HFM1: variants seen among roughly 807,000 people sequenced by gnomAD.
HFM1 encodes helicase for meiosis 1.
A neutral mutation model predicts 192.1 loss-of-function variants in HFM1; 169 were observed. The observed-to-expected ratio is 0.88, with a 90% confidence interval of 0.78 to 1.00. The LOEUF is 1.00. Among genes scored for constraint, HFM1 ranks in the 50% least tolerant of loss-of-function variants. The pLI, the probability that HFM1 is intolerant of heterozygous loss-of-function variation, is 0.00. For synonymous variants in HFM1, 525 were observed against 537.8 expected (o/e 0.98, Z 0.33); for missense variants, 1,661 against 1,668.0 (o/e 1.00, Z 0.07).
intron 15 of HFM1, 50 bp downstream of exon 15, chr1:91,353,001 T>C (rs1333495358): frequency 2.5e-6 from 3 of 1,205,206 alleles, no homozygotes; most frequent in African/African-American, 3.1e-5. Flanking sequence ...CTCTTAAAAA[T>C]AATTTTCCAA....
intron 20 of HFM1, among the ~76,000 whole-genome samples, chr1:91,333,932 T>A (rs1044509117): frequency 6.6e-6 from 1 of 152,146 alleles, no homozygotes; most frequent in African/African-American, 2.4e-5. Context: ...ATGTTAGTAT[T>A]TACATACAAA....
chr1:91,281,190 A>C (rs1277410671), intron 30 of HFM1, among the ~76,000 whole-genome samples: 1 of 152,252 alleles, frequency 6.6e-6, no homozygotes, highest in Non-Finnish European at 1.5e-5. Context: ...TGGTGGTAGT[A>C]GAGTTACAGA....
chr1:91,319,058 T>G lies in HFM1; in HGVS notation c.2812+20A>C. On this transcript the variant is annotated intron_variant, in intron 25 of 38. Coordinates refer to ENST00000370425, the MANE Select transcript of HFM1 (RefSeq NM_001017975.6). ...AAATTGCAGACATGGCCAAACTGCC[T>G]GCCTGTATTCAGTACCTACCAATTT... 1 of 1,566,144 alleles carries G rather than the reference T, an allele frequency of 6.4e-7. No individual in the cohort carries two copies. Among genetic ancestry groups the G allele is most frequent in the African/African-American group, 1.4e-5 (1 of 72,306 alleles).
At chr1:91,389,232 G>C (rs282021) in intron 4 of HFM1, among the ~76,000 whole-genome samples, 1 of 149,544 alleles carries the variant, frequency 6.7e-6, no homozygotes, top group African/African-American at 2.5e-5. Context: ...TGTGATCTCG[G>C]CTCACTGCAA....
chr1:91,397,692 C>T (rs1020463219), intron 2 of HFM1, among the ~76,000 whole-genome samples: 2 of 152,170 alleles, frequency 1.3e-5, no homozygotes, highest in African/African-American at 4.8e-5. Context: ...TCCCCAAGAT[C>T]ACCCCCAGTT....
At chr1:91,328,603 A>C in intron 20 of HFM1, 1 of 1,604,146 alleles carries the variant, frequency 6.2e-7, no homozygotes, top group Admixed American at 1.7e-5. Flanking sequence ...TATTCGCGTG[A>C]TGGAGAACGG....
chr1:91,291,134 T>C (rs1275029521), intron 30 of HFM1, among the ~76,000 whole-genome samples: 9 of 151,904 alleles, frequency 5.9e-5, no homozygotes, highest in South Asian at 4.2e-4. Flanking sequence ...ACATCACAAT[T>C]AAAAGAACTA....
rs754530343 is a variant in HFM1, at chr1:91,273,697, T to A, written c.3772+15A>T. ...AGCCATTTACTCTCTCAAGTAAGTA[T>A]CAATGGTAATTTACCTTTGTCTTGA... On this transcript the variant is annotated intron_variant, in intron 34 of 38. Transcript: ENST00000370425. 12 of 1,274,772 alleles carry A rather than the reference T, an allele frequency of 9.4e-6. No individual in the cohort carries two copies. In the South Asian group the frequency reaches 1.5e-4, roughly 16 times the overall value. The allele number at this position is 1,274,772 out of a possible 1,614,324, so 79.0% of individuals were successfully genotyped here.
intron 34 of HFM1, among the ~76,000 whole-genome samples, chr1:91,272,847 A>G (rs1024037359): frequency 6.6e-6 from 1 of 152,060 alleles, no homozygotes; most frequent in Admixed American, 6.6e-5. Flanking sequence ...GAGGAAAAAA[A>G]AGTTACAACA....
intron 20 of HFM1, among the ~76,000 whole-genome samples, chr1:91,339,959 A>G (rs2101616547): frequency 6.6e-6 from 1 of 152,302 alleles, no homozygotes; most frequent in South Asian, 2.1e-4. Context: ...CAGATCTTTC[A>G]GCAGCTCTTT....
Position 91,276,767 on chromosome 1 carries a change from T to C in HFM1, c.3473-24A>G, listed in dbSNP as rs199500184. 402 of 1,156,094 alleles carry C rather than the reference T, an allele frequency of 3.5e-4. 4 individuals are homozygous for C. The Middle Eastern group carries it at 5.0e-3, about 14-fold the overall frequency. 71.6% of individuals were successfully genotyped at this position (1,156,094 alleles called of 1,614,324 possible). ...ACCTATGAAAAGAAACTTCAGATTC[T>C]TTAGGTTAAACTTCAGATCTTATTC... On this transcript the variant is annotated intron_variant, in intron 31 of 38. Transcript: ENST00000370425.
At chr1:91,361,302 C>T (rs565824767) in intron 13 of HFM1, among the ~76,000 whole-genome samples, 2 of 151,238 alleles carry the variant, frequency 1.3e-5, no homozygotes, top group Non-Finnish European at 2.9e-5. Context: ...ATATAGACTG[C>T]TAGCTAGACT....
intron 13 of HFM1, among the ~76,000 whole-genome samples, chr1:91,365,899 A>C (rs563251177): frequency 6.6e-6 from 1 of 151,948 alleles, no homozygotes; most frequent in Non-Finnish European, 1.5e-5. Context: ...AATATGTCCA[A>C]TAGTACACAG....
intron 18 of HFM1, among the ~76,000 whole-genome samples, chr1:91,349,270 CAA>C (rs377469885): frequency 2.2e-4 from 28 of 127,256 alleles, no homozygotes; most frequent in African/African-American, 7.1e-4. Context: ...TCTGGGCAAT[CAA>C]GAGAGGCTAT....
intron 1 of HFM1, among the ~76,000 whole-genome samples, chr1:91,403,520 G>A (rs1362669868): frequency 6.6e-6 from 1 of 152,080 alleles, no homozygotes; most frequent in Non-Finnish European, 1.5e-5. Flanking sequence ...CTACAGTTCA[G>A]TATGAGTTTG....
At chr1:91,383,728 T>C (rs181179099) in intron 6 of HFM1, among the ~76,000 whole-genome samples, 7 of 152,330 alleles carry the variant, frequency 4.6e-5, no homozygotes, top group Admixed American at 2.0e-4. Context: ...GAGTCACTAA[T>C]TATATATTCC....
intron 13 of HFM1, among the ~76,000 whole-genome samples, chr1:91,372,419 T>C (rs1006138515): frequency 6.6e-6 from 1 of 152,182 alleles, no homozygotes; most frequent in Non-Finnish European, 1.5e-5. Context: ...TAAAAAATGA[T>C]GAGTTATGTC....
intron 32 of HFM1, 43 bp from the exon 33 acceptor site, chr1:91,274,852 C>A: frequency 2.0e-6 from 2 of 1,012,472 alleles, no homozygotes; most frequent in South Asian, 1.4e-5. Context: ...AGTTTCACAT[C>A]AATAACTTGT....
intron 13 of HFM1, among the ~76,000 whole-genome samples, chr1:91,369,981 G>T (rs1659937804): frequency 6.6e-6 from 1 of 152,142 alleles, no homozygotes; most frequent in Non-Finnish European, 1.5e-5. Context: ...AAATAAACTA[G>T]AAAATCTAGA....
Sources: allele counts gnomAD v4.1 joint callset (sites outside exome capture counted in the v4.1 genomes callset), GRCh38; gene constraint gnomAD v4.1.1; transcripts MANE v1.5; gene names NCBI Gene and HGNC (gene_info 2026-07-23, HGNC 2026-07-21).